Variants in FRMD3 observed in about 807,000 individuals in gnomAD.
FRMD3 encodes the protein FERM domain-containing protein 3.
A neutral mutation model predicts 70.2 loss-of-function variants in FRMD3; 33 were observed. That is an observed-to-expected ratio of 0.47 (90% confidence interval 0.36 to 0.63). The LOEUF is 0.63. Ranked by LOEUF, FRMD3 falls within the 20% of genes least tolerant of loss-of-function variation. The probability of loss-of-function intolerance (pLI) is 0.00; values close to 1 mark genes in which losing one functional copy is unlikely to be tolerated. For synonymous variants in FRMD3, 279 were observed against 255.9 expected, an observed-to-expected ratio of 1.09 and a Z score of -0.86; for missense variants, 632 against 711.4, an observed-to-expected ratio of 0.89 and a Z score of 1.27.
intron 1 of FRMD3, among the ~76,000 whole-genome samples, chr9:83,465,053 C>A (rs62560303): frequency 3.4e-5 from 2 of 58,718 alleles, no homozygotes; most frequent in East Asian, 3.5e-4. Context: ...GAAGAAGCAG[C>A]AGCTTAATGA....
At chr9:83,477,789 T>C (rs1207561970) in intron 1 of FRMD3, among the ~76,000 whole-genome samples, 1 of 152,132 alleles carries the variant, frequency 6.6e-6, no homozygotes, top group Non-Finnish European at 1.5e-5. Flanking sequence ...TTGCCTGGGC[T>C]TCCCATCTCT....
At chr9:83,443,858 T>C (rs1452940825) in intron 1 of FRMD3, among the ~76,000 whole-genome samples, 1 of 152,298 alleles carries the variant, frequency 6.6e-6, no homozygotes, top group East Asian at 1.9e-4. Flanking sequence ...TGGCATCTCA[T>C]TGTGGTGAGA....
At chr9:83,368,152 G>A (rs78199862) in intron 3 of FRMD3, among the ~76,000 whole-genome samples, 1,964 of 152,224 alleles carry the variant, frequency 0.013, 34 homozygotes, top group African/African-American at 0.045. Context: ...TTGTTGGAAG[G>A]CAGTGATGTC....
intron 2 of FRMD3, among the ~76,000 whole-genome samples, chr9:83,384,291 A>G (rs1255206747): frequency 1.3e-5 from 2 of 152,022 alleles, no homozygotes; most frequent in African/African-American, 4.8e-5. Flanking sequence ...CTTAGGTACC[A>G]CTCTTGCTCC....
chr9:83,358,686 ATTTAT>A (rs1034435494), intron 3 of FRMD3, among the ~76,000 whole-genome samples: 6 of 149,510 alleles, frequency 4.0e-5, no homozygotes, highest in Non-Finnish European at 7.4e-5. Context: ...TTATTTATTT[ATTTAT>A]TTATTTATTT....
intron 3 of FRMD3, among the ~76,000 whole-genome samples, chr9:83,370,727 C>G (rs1001861229): frequency 2.0e-5 from 3 of 152,154 alleles, no homozygotes; most frequent in African/African-American, 7.2e-5. Context: ...GCCTGGCCAA[C>G]ATGGTGAAAC....
In FRMD3 at chr9:83,389,627, A is replaced by G. The variant is rs762598572; in HGVS notation, c.229T>C (p.Tyr77His). The change falls in exon 2 of 14, where the codon TAT becomes CAT. Residue 77 changes from tyrosine (Y) to histidine (H), a missense_variant. Tyr to His is a moderately conservative substitution (Grantham distance 83). This residue lies in a region of FRMD3 where 208 missense variants were observed against 247.7 expected (regional missense o/e 0.84). Transcript: ENST00000304195. The stretch of plus-strand genomic sequence containing the variant: ...ACCCTTTGCTTCTCTGGGTCCACAT[A>G]GCGAATGCCAAAGTAGTCCTTCTCC... ...LLEKDYFGIR[Y>H]VDPEKQRHWL... 15 of 1,613,640 alleles carry G rather than the reference A, an allele frequency of 9.3e-6. No homozygotes were observed. In the South Asian group the frequency reaches 1.5e-4, roughly 17 times the overall value.
chr9:83,325,759 T>G (rs1228745118), intron 6 of FRMD3, among the ~76,000 whole-genome samples: 1 of 152,236 alleles, frequency 6.6e-6, no homozygotes, highest in Non-Finnish European at 1.5e-5. Context: ...AATCTGAAAC[T>G]AAAACCTGCA....
At chr9:83,409,888 TTTCC>T (rs1327067709) in intron 1 of FRMD3, among the ~76,000 whole-genome samples, 1 of 152,180 alleles carries the variant, frequency 6.6e-6, no homozygotes, top group Non-Finnish European at 1.5e-5. Flanking sequence ...GCTCTTCCGT[TTTCC>T]AACCAACCGG....
intron 3 of FRMD3, among the ~76,000 whole-genome samples, chr9:83,369,683 T>C (rs914003725): frequency 1.2e-4 from 18 of 151,970 alleles, no homozygotes; most frequent in African/African-American, 4.3e-4. Flanking sequence ...TCATCAATTA[T>C]GGATATTTTT....
At chr9:83,297,784 C>T (rs1564001587) in intron 12 of FRMD3, 1 of 471,798 alleles carries the variant, frequency 2.1e-6, no homozygotes. Flanking sequence ...CCAAGTCACC[C>T]CAAAGCAGGA....
chr9:83,551,383 T>C, the FRMD3 span, among the ~76,000 whole-genome samples: 3 of 152,196 alleles, frequency 2.0e-5, no homozygotes, highest in African/African-American at 7.2e-5. Context: ...TTGCAAGTAT[T>C]TTCTTGAGGA....
At chr9:83,580,869 GA>G in the FRMD3 span, among the ~76,000 whole-genome samples, 1 of 152,034 alleles carries the variant, frequency 6.6e-6, no homozygotes, top group Non-Finnish European at 1.5e-5. Flanking sequence ...TGTACCCCAT[GA>G]ATGTATACAG....
rs190935294 is a variant in FRMD3, at chr9:83,365,732, A to G, written c.295+7181T>C. Among the ~76,000 whole-genome samples the G allele has an allele frequency of 3.9e-5, 6 of 152,252 alleles. No individual in the cohort carries two copies. In the East Asian group the frequency reaches 1.2e-3, roughly 29 times the overall value. On this transcript the variant is annotated intron_variant, in intron 3 of 13. Transcript: ENST00000304195. ...GAAACTCTTCTGTGTGGAACTCTGAAAATTTTACTGACATTTTTGTACTGA... is the reference window on the plus strand; with the variant it reads ...GAAACTCTTCTGTGTGGAACTCTGAGAATTTTACTGACATTTTTGTACTGA...
intron 3 of FRMD3, among the ~76,000 whole-genome samples, chr9:83,354,473 T>C (rs1190705601): frequency 6.6e-6 from 1 of 152,058 alleles, no homozygotes; most frequent in Admixed American, 6.6e-5. Flanking sequence ...GACATAAAGA[T>C]GGAAACAACA....
chr9:83,459,989 G>A (rs111803290), intron 1 of FRMD3, among the ~76,000 whole-genome samples: 2 of 152,348 alleles, frequency 1.3e-5, no homozygotes, highest in Admixed American at 6.5e-5. Flanking sequence ...CTCTTCTTAT[G>A]CGGACATTAA....
chr9:83,473,551 G>C (rs1328946258), intron 1 of FRMD3, among the ~76,000 whole-genome samples: 2 of 152,150 alleles, frequency 1.3e-5, no homozygotes, highest in African/African-American at 4.8e-5. Flanking sequence ...TTCTATCTTA[G>C]AAACAGAAAG....
intron 1 of FRMD3, among the ~76,000 whole-genome samples, chr9:83,506,403 A>G (rs911694919): frequency 3.3e-5 from 5 of 152,236 alleles, no homozygotes; most frequent in African/African-American, 9.6e-5. Flanking sequence ...CACCCAGGCT[A>G]TGTGCTATGT....
chr9:83,402,871 G>T (rs1306610562), intron 1 of FRMD3, among the ~76,000 whole-genome samples: 2 of 148,706 alleles, frequency 1.3e-5, no homozygotes, highest in African/African-American at 4.9e-5. Flanking sequence ...AGATTCTACA[G>T]AGACTCTCAA....
Sources: gnomAD v4.1 joint callset for allele counts (sites outside exome capture counted in the v4.1 genomes callset) on GRCh38, gnomAD v4.1.1 for gene constraint, gnomAD v4.1.1 regional missense constraint, MANE v1.5 for transcripts, NCBI Gene and HGNC (gene_info 2026-07-23, HGNC 2026-07-21) for gene names.